Variants in PDHX observed in about 807,000 individuals in gnomAD.
PDHX encodes pyruvate dehydrogenase complex component X, also known as pyruvate dehydrogenase protein X component, mitochondrial.
PDHX carries 33 observed loss-of-function variants against 55.3 expected under a neutral mutation model. The observed-to-expected ratio is 0.60, with a 90% confidence interval of 0.45 to 0.80. The LOEUF is 0.80. PDHX is among the 30% of genes least tolerant of loss of function. The pLI is 0.00. For missense variants in PDHX, 622 were observed against 619.9 expected (o/e 1.00, Z -0.04); for synonymous variants, 226 against 219.4 (o/e 1.03, Z -0.27).
upstream of PDHX, chr11:34,916,140 C>G: frequency 2.0e-6 from 3 of 1,519,126 alleles, no homozygotes; most frequent in Non-Finnish European, 2.7e-6. Flanking sequence ...AAACGCCCGG[C>G]CCGCTACCCT....
intron 8 of PDHX, among the ~76,000 whole-genome samples, chr11:34,979,092 G>C (rs1403545141): frequency 6.6e-6 from 1 of 152,092 alleles, no homozygotes; most frequent in East Asian, 1.9e-4. Context: ...TGTTTCAAAA[G>C]TAGAGCCAAC....
At chr11:34,979,122 G>A (rs75314794) in intron 8 of PDHX, among the ~76,000 whole-genome samples, 7,359 of 152,174 alleles carry the variant, frequency 0.048, 559 homozygotes, top group African/African-American at 0.17. Context: ...TGATGGATTG[G>A]ATATGGGGTG....
chr11:34,989,344 T>A (rs1263648329), intron 9 of PDHX, among the ~76,000 whole-genome samples: 2 of 152,086 alleles, frequency 1.3e-5, no homozygotes, highest in Non-Finnish European at 2.9e-5. Context: ...AAGTATCCCC[T>A]GCAGATAAGG....
chr11:34,989,987 C>G (rs943834809), intron 9 of PDHX, among the ~76,000 whole-genome samples: 1 of 152,160 alleles, frequency 6.6e-6, no homozygotes, highest in Admixed American at 6.5e-5. Context: ...TCTGCAGATT[C>G]ATCCATGAAC....
chr11:34,918,458 A>G (rs1161833741), intron 1 of PDHX, among the ~76,000 whole-genome samples: 1 of 151,318 alleles, frequency 6.6e-6, no homozygotes, highest in Non-Finnish European at 1.5e-5. Context: ...AAAAAAAAGT[A>G]TACATAGGCC....
intron 9 of PDHX, among the ~76,000 whole-genome samples, chr11:34,987,608 G>A (rs1244257268): frequency 1.3e-5 from 2 of 151,966 alleles, no homozygotes; most frequent in Admixed American, 1.3e-4. Flanking sequence ...CTTAAATGTT[G>A]GATTGTTTAA....
chr11:34,979,696 T>C (rs1295497515), intron 8 of PDHX, among the ~76,000 whole-genome samples: 1 of 152,152 alleles, frequency 6.6e-6, no homozygotes, highest in Non-Finnish European at 1.5e-5. Flanking sequence ...TTATTGTGAT[T>C]GATATCATTA....
intron 8 of PDHX, among the ~76,000 whole-genome samples, chr11:34,984,031 A>G (rs1490724178): frequency 6.6e-6 from 1 of 152,242 alleles, no homozygotes. Flanking sequence ...ACTATAGTAC[A>G]AGGCTACAGT....
chr11:34,987,736 G>GTGTT, intron 9 of PDHX, among the ~76,000 whole-genome samples: 1 of 151,532 alleles, frequency 6.6e-6, no homozygotes, highest in African/African-American at 2.4e-5. Flanking sequence ...CTGAGTGTGT[G>GTGTT]TGTGTGTGTG....
intron 2 of PDHX, among the ~76,000 whole-genome samples, chr11:34,940,774 C>T (rs2133955870): frequency 6.6e-6 from 1 of 152,098 alleles, no homozygotes. Context: ...TAAAGTTTTG[C>T]CTTTTGTCTA....
intron 2 of PDHX, among the ~76,000 whole-genome samples, chr11:34,946,424 T>G (rs1854621385): frequency 6.6e-6 from 1 of 152,214 alleles, no homozygotes; most frequent in South Asian, 2.1e-4. Flanking sequence ...TTACAATTAC[T>G]GATTTTGTGG....
chr11:34,916,096 C>A, upstream of PDHX: 2 of 1,220,594 alleles, frequency 1.6e-6, no homozygotes, highest in Non-Finnish European at 2.2e-6. Context: ...GCCGGGGTAG[C>A]GAACGGCCAG....
chr11:34,931,846 G>T (rs1011275417), intron 2 of PDHX, among the ~76,000 whole-genome samples: 1 of 145,532 alleles, frequency 6.9e-6, no homozygotes, highest in African/African-American at 2.6e-5. Flanking sequence ...GTGTGTGTGT[G>T]TGTGTTCTGG....
intron 5 of PDHX, among the ~76,000 whole-genome samples, chr11:34,961,379 A>G (rs955136838): frequency 1.3e-5 from 2 of 152,244 alleles, no homozygotes; most frequent in Admixed American, 6.5e-5. Flanking sequence ...AAATAGGCTT[A>G]TGAACTAATG....
chr11:34,939,139 CCATT>C (rs10580926), intron 2 of PDHX, among the ~76,000 whole-genome samples: 56,300 of 151,670 alleles, frequency 0.37, 10,778 homozygotes, highest in East Asian at 0.74. Context: ...ATAACTTGCT[CCATT>C]CATTTTATAT....
At chr11:34,975,063 GT>G (rs1320081529) in intron 7 of PDHX, among the ~76,000 whole-genome samples, 1 of 152,010 alleles carries the variant, frequency 6.6e-6, no homozygotes, top group Non-Finnish European at 1.5e-5. Flanking sequence ...GTTAATAGGG[GT>G]TTTGTTTCAG....
chr11:34,939,483 G>C (rs1460515707), intron 2 of PDHX, among the ~76,000 whole-genome samples: 1 of 151,500 alleles, frequency 6.6e-6, no homozygotes, highest in Non-Finnish European at 1.5e-5. Flanking sequence ...GTGTGTGTGT[G>C]TGTGTGTGTG....
chr11:34,980,906 G>A (rs1424561549), intron 8 of PDHX, among the ~76,000 whole-genome samples: 1 of 152,114 alleles, frequency 6.6e-6, no homozygotes, highest in African/African-American at 2.4e-5. Flanking sequence ...TTTGTTTTCA[G>A]TTTCTGTTTT....
chr11:34,916,285 G>C, upstream of PDHX: 3 of 1,612,310 alleles, frequency 1.9e-6, no homozygotes, highest in Non-Finnish European at 2.5e-6. Flanking sequence ...AGCCAGACAT[G>C]GCCCAGACCA....
Sources: allele counts gnomAD v4.1 joint callset (sites outside exome capture counted in the v4.1 genomes callset), GRCh38; gene constraint gnomAD v4.1.1; transcripts MANE v1.5; gene names NCBI Gene and HGNC (gene_info 2026-07-23, HGNC 2026-07-21).